The following ARID1B variants were observed in gnomAD, a reference collection of about 807,000 sequenced individuals.
ARID1B encodes the protein AT-rich interactive domain-containing protein 1B.
A neutral mutation model predicts 212.3 loss-of-function variants in ARID1B; 30 were observed. The observed-to-expected ratio is 0.14, with a 90% CI of 0.11 to 0.19. ARID1B has a LOEUF of 0.19. Ranked by LOEUF, ARID1B falls within the 10% of genes least tolerant of loss-of-function variation. ARID1B has a pLI of 1.00. For synonymous variants in ARID1B, 1,402 were observed against 1,301.7 expected (o/e 1.08, Z -1.66); for missense variants, 2,891 against 3,204.0 (o/e 0.90, Z 2.36).
chr6:156,952,581 G>T (rs1371703295), intron 4 of ARID1B, among the ~76,000 whole-genome samples: 1 of 152,192 alleles, frequency 6.6e-6, no homozygotes, highest in Non-Finnish European at 1.5e-5. Flanking sequence ...GTGGTTGTGG[G>T]CAGCAGGCCG....
chr6:156,868,784 G>A (rs972892279), intron 2 of ARID1B, among the ~76,000 whole-genome samples: 1 of 152,162 alleles, frequency 6.6e-6, no homozygotes, highest in South Asian at 2.1e-4. Flanking sequence ...CAAAACAATA[G>A]GTATTCTTGT....
intron 4 of ARID1B, among the ~76,000 whole-genome samples, chr6:156,956,443 A>G (rs1317828859): frequency 3.9e-5 from 6 of 152,108 alleles, no homozygotes; most frequent in Non-Finnish European, 8.8e-5. Context: ...GTAGCAGTGG[A>G]GTGGCAGATA....
intron 4 of ARID1B, among the ~76,000 whole-genome samples, chr6:156,993,871 T>C (rs1281509513): frequency 6.6e-6 from 1 of 152,234 alleles, no homozygotes; most frequent in Non-Finnish European, 1.5e-5. Flanking sequence ...ATTTTAAGTT[T>C]ATCTCTTCGT....
intron 4 of ARID1B, among the ~76,000 whole-genome samples, chr6:156,977,944 A>G (rs1024347593): frequency 2.0e-5 from 3 of 152,110 alleles, no homozygotes; most frequent in African/African-American, 7.2e-5. Flanking sequence ...ATTCCTCCCA[A>G]GGGCTCTGCG....
chr6:157,040,513 T>C (rs959942091), intron 4 of ARID1B, among the ~76,000 whole-genome samples: 2 of 152,244 alleles, frequency 1.3e-5, no homozygotes, highest in Non-Finnish European at 2.9e-5. Context: ...TTTATACTTG[T>C]ATGCTTTGCC....
intron 1 of ARID1B, among the ~76,000 whole-genome samples, chr6:156,797,248 G>T (rs1780447921): frequency 6.6e-6 from 1 of 152,212 alleles, no homozygotes; most frequent in Non-Finnish European, 1.5e-5. Flanking sequence ...TTTAATCCCA[G>T]AGACAGCAGA....
chr6:156,807,233 C>G (rs1169809915), intron 1 of ARID1B, among the ~76,000 whole-genome samples: 1 of 150,936 alleles, frequency 6.6e-6, no homozygotes, highest in Non-Finnish European at 1.5e-5. Flanking sequence ...AAGTTCAGAT[C>G]TATGGAGTGG....
chr6:156,778,648 C>A lies in ARID1B; in HGVS notation c.968C>A (p.Ala323Glu), dbSNP rs2114981322. ...FNNYYGSAAP[A>E]SGGPGGRAGP... ...AATTACTATGGCAGCGCTGCCCCTG[C>A]GAGCGGCGGCCCCGGCGGCCGCGCT... is the stretch of plus-strand genomic sequence containing the variant. The change falls in exon 1 of 20, where the codon GCG becomes GAG. Residue 323 changes from alanine (A) to glutamate (E), a missense_variant. By Grantham distance (107) the Ala-to-Glu change is moderately radical. Around this residue, in one of 7 missense-constraint regions of ARID1B, gnomAD observed 1,643 missense variants for 1,544.0 expected, o/e 1.06. Coordinates refer to ENST00000636930, the MANE Select transcript of ARID1B (RefSeq NM_001374828.1). The A allele has an allele frequency of 6.8e-7, 1 of 1,477,526 alleles. No individual in the cohort carries two copies. The allele number at this position is 1,477,526 out of a possible 1,614,324, so 91.5% of individuals were successfully genotyped here.
At chr6:156,954,203 C>G (rs1162997849) in intron 4 of ARID1B, among the ~76,000 whole-genome samples, 2 of 139,942 alleles carry the variant, frequency 1.4e-5, no homozygotes, top group East Asian at 4.2e-4. Flanking sequence ...AAATGAAGTT[C>G]TTTTTTTTTT....
chr6:156,895,627 T>C (rs1582894851), intron 2 of ARID1B, among the ~76,000 whole-genome samples: 1 of 152,084 alleles, frequency 6.6e-6, no homozygotes, highest in East Asian at 1.9e-4. Context: ...GGCAAAATCT[T>C]TATGGTAAAA....
chr6:156,821,457 A>G (rs752398939), intron 1 of ARID1B, among the ~76,000 whole-genome samples: 7 of 152,250 alleles, frequency 4.6e-5, no homozygotes, highest in Non-Finnish European at 1.0e-4. Flanking sequence ...GGACCAAAGT[A>G]ATACCAATGG....
intron 5 of ARID1B, among the ~76,000 whole-genome samples, chr6:157,089,828 G>A (rs1192022464): frequency 1.3e-5 from 2 of 152,144 alleles, no homozygotes; most frequent in African/African-American, 4.8e-5. Flanking sequence ...AGTTAATTCT[G>A]AAATGTGTGA....
intron 6 of ARID1B, among the ~76,000 whole-genome samples, chr6:157,114,358 A>G (rs1007771815): frequency 5.9e-5 from 9 of 151,876 alleles, no homozygotes; most frequent in Admixed American, 5.2e-4. Context: ...CCCCGTCTCC[A>G]CTAAAAACAC....
rs1262364263 is a variant in ARID1B, at chr6:157,167,170, G to C, written c.3220G>C (p.Val1074Leu). The C allele has an allele frequency of 1.2e-6, 2 of 1,608,098 alleles. No homozygotes were observed. Among genetic ancestry groups the C allele is most frequent in the Non-Finnish European group, 1.7e-6 (2 of 1,179,794 alleles). The change falls in exon 9 of 20, where the codon GTG (valine) becomes CTG (leucine). Residue 1074 changes from valine to leucine, a missense_variant. This residue lies in a region of ARID1B where 1,643 missense variants were observed against 1,544.0 expected (regional missense o/e 1.06). Transcript: ENST00000636930. Reference protein sequence around the residue: ...APPYSMAPAMVNSSAASVGLA... With the variant: ...APPYSMAPAMLNSSAASVGLA... ...GCCCTACAGCATGGCGCCCGCCATG[G>C]TGAACAGCTCGGCAGGTAACCTTGG...
intron 2 of ARID1B, among the ~76,000 whole-genome samples, chr6:156,879,226 T>C (rs547868591): frequency 1.3e-5 from 2 of 152,382 alleles, no homozygotes; most frequent in South Asian, 2.1e-4. Flanking sequence ...TTTGGCATTT[T>C]GTATTCTTGT....
chr6:157,182,326 A>G (rs990305968), intron 12 of ARID1B, among the ~76,000 whole-genome samples: 1 of 152,232 alleles, frequency 6.6e-6, no homozygotes, highest in Non-Finnish European at 1.5e-5. Flanking sequence ...TGGTGGGGCC[A>G]GGTCTGTCTG....
At chr6:156,795,302 A>ATGGGT (rs2115256599) in intron 1 of ARID1B, among the ~76,000 whole-genome samples, 2 of 152,278 alleles carry the variant, frequency 1.3e-5, no homozygotes, top group East Asian at 3.9e-4. Context: ...GAGTCCAGAA[A>ATGGGT]TCCATGAGTC....
intron 8 of ARID1B, among the ~76,000 whole-genome samples, chr6:157,162,063 G>C (rs1444399426): frequency 6.6e-6 from 1 of 152,146 alleles, no homozygotes; most frequent in Non-Finnish European, 1.5e-5. Flanking sequence ...TCTTCTGTCT[G>C]TCCCTACCCT....
rs144387357 is a variant in ARID1B, at chr6:157,065,499, C to T, written c.2248-19163C>T. Among the ~76,000 whole-genome samples the T allele has an allele frequency of 2.0e-3, 305 of 152,298 alleles. 3 individuals carry two copies. Among genetic ancestry groups the T allele is most frequent in the African/African-American group, 6.7e-3 (279 of 41,560 alleles). On this transcript the variant is annotated intron_variant, in intron 4 of 19. Transcript: ENST00000636930. ...TACAGTTACTTTCAAATACATCAAG[C>T]ACTGCTTGGGTTGACCCTTGACTTC...
Sources: gnomAD v4.1 joint callset for allele counts (sites outside exome capture counted in the v4.1 genomes callset) on GRCh38, gnomAD v4.1.1 for gene constraint, gnomAD v4.1.1 regional missense constraint, MANE v1.5 for transcripts, NCBI Gene and HGNC (gene_info 2026-07-23, HGNC 2026-07-21) for gene names.